The following DIPK1A variants were observed in gnomAD, a reference collection of about 807,000 sequenced individuals.
DIPK1A encodes family with sequence similarity 69 member A.
DIPK1A carries 27 observed loss-of-function variants against 40.8 expected under a neutral mutation model. The observed-to-expected ratio is 0.66, with a 90% CI of 0.49 to 0.91. The LOEUF (loss-of-function observed/expected upper bound fraction) is 0.91. Ranked by LOEUF, DIPK1A falls within the 40% of genes least tolerant of loss-of-function variation. DIPK1A has a pLI of 0.00. For synonymous variants in DIPK1A, 166 were observed against 171.3 expected, an observed-to-expected ratio of 0.97 and a Z score of 0.24; for missense variants, 412 against 505.7, an observed-to-expected ratio of 0.81 and a Z score of 1.78.
intron 1 of DIPK1A, among the ~76,000 whole-genome samples, chr1:92,959,909 T>TTTTTTTTTTG: frequency 9.7e-6 from 1 of 103,350 alleles, no homozygotes; most frequent in African/African-American, 3.9e-5. Flanking sequence ...CCAACTTTTT[T>TTTTTTTTTTG]TTTTTTTTTT....
intron 1 of DIPK1A, among the ~76,000 whole-genome samples, chr1:92,912,293 T>C (rs1461878904): frequency 6.6e-6 from 1 of 152,124 alleles, no homozygotes; most frequent in Non-Finnish European, 1.5e-5. Context: ...TCCCCAGCAC[T>C]TACTAACACA....
intron 1 of DIPK1A, among the ~76,000 whole-genome samples, chr1:92,895,366 A>T (rs1347632922): frequency 6.6e-6 from 1 of 152,062 alleles, no homozygotes; most frequent in East Asian, 1.9e-4. Context: ...AAATCAACAA[A>T]CGTAATCCAG....
At chr1:92,848,243 C>T (rs1320359839) in intron 3 of DIPK1A, among the ~76,000 whole-genome samples, 2 of 152,082 alleles carry the variant, frequency 1.3e-5, no homozygotes, top group Non-Finnish European at 2.9e-5. Flanking sequence ...AATATTAATC[C>T]AAAGAAAACA....
intron 4 of DIPK1A, chr1:92,836,269 T>A (rs771599532): frequency 8.7e-6 from 14 of 1,613,976 alleles, no homozygotes; most frequent in Non-Finnish European, 1.1e-5. Flanking sequence ...GTGGAAAGCA[T>A]TGATGGTCAG....
chr1:92,909,290 C>A (rs6656130), intron 1 of DIPK1A, among the ~76,000 whole-genome samples: 2,813 of 152,060 alleles, frequency 0.018, 84 homozygotes, highest in African/African-American at 0.064. Context: ...CACAAAATAC[C>A]AACTTATATA....
Position 92,874,620 on chromosome 1 carries a change from G to A in DIPK1A, c.189+1676C>T, listed in dbSNP as rs924750956. Among the ~76,000 whole-genome samples the A allele has an allele frequency of 3.3e-5, 5 of 152,100 alleles. No individual in the cohort carries two copies. The East Asian group carries it at 5.8e-4, about 18-fold the overall frequency. Reference sequence around the variant, plus strand: ...AGAAATAAACATTTCAAATAGTTTCGGTTATTTGTATGTTTTTGAACTTGA... The same window carrying A: ...AGAAATAAACATTTCAAATAGTTTCAGTTATTTGTATGTTTTTGAACTTGA... On this transcript the variant is annotated intron_variant, in intron 2 of 4. Coordinates refer to ENST00000370310, the MANE Select transcript of DIPK1A (RefSeq NM_001006605.5).
At chr1:92,869,801 T>C (rs1647744688) in intron 2 of DIPK1A, among the ~76,000 whole-genome samples, 1 of 152,094 alleles carries the variant, frequency 6.6e-6, no homozygotes, top group Admixed American at 6.6e-5. Context: ...TTCTCTTCAA[T>C]CCACTTAAAA....
At chr1:92,832,772 T>C in exon 5 of DIPK1A, 1 of 501,406 alleles carries the variant, frequency 2.0e-6, no homozygotes, top group Non-Finnish European at 3.5e-6. Context: ...TGGGATGAAA[T>C]GTTGCTTTAG....
intron 1 of DIPK1A, among the ~76,000 whole-genome samples, chr1:92,891,701 A>G (rs1329898566): frequency 6.6e-6 from 1 of 152,162 alleles, no homozygotes; most frequent in African/African-American, 2.4e-5. Context: ...GAGCTGAAGC[A>G]GGGTGAGGCA....
chr1:92,946,552 C>A (rs1221492408), intron 1 of DIPK1A, among the ~76,000 whole-genome samples: 1 of 152,168 alleles, frequency 6.6e-6, no homozygotes, highest in Non-Finnish European at 1.5e-5. Context: ...ATTAAAATTA[C>A]AACTATCAAA....
intron 1 of DIPK1A, among the ~76,000 whole-genome samples, chr1:92,914,901 C>T (rs551432575): frequency 5.6e-5 from 8 of 143,456 alleles, no homozygotes; most frequent in African/African-American, 2.4e-4. Flanking sequence ...GCCTGGCCAA[C>T]CTGGTGAAAC....
At chr1:92,901,140 C>T (rs1378077178) in intron 1 of DIPK1A, among the ~76,000 whole-genome samples, 2 of 151,990 alleles carry the variant, frequency 1.3e-5, no homozygotes, top group Non-Finnish European at 2.9e-5. Flanking sequence ...GTGGTTGTGG[C>T]AGGGTGGCAG....
At position 92,876,434 on chromosome 1, in the gene DIPK1A, T is replaced by C. The variant is rs1648130015; in HGVS notation, c.55-4A>G. The C allele has an allele frequency of 6.2e-7, 1 of 1,610,852 alleles. No homozygotes were observed. The highest frequency in any genetic ancestry group is 8.5e-7 in the Non-Finnish European group (1 of 1,179,032). On this transcript the variant is annotated splice_polypyrimidine_tract_variant and splice_region_variant and intron_variant, in intron 1 of 4. Transcript: ENST00000370310. Reference sequence around the variant, plus strand: ...TCCGCACATATGAGAAGCGAGCCTGTGAGTAAAAAAGAACATAACGATCAT... The same window carrying C: ...TCCGCACATATGAGAAGCGAGCCTGCGAGTAAAAAAGAACATAACGATCAT...
chr1:92,921,174 A>G (rs1338649270), intron 1 of DIPK1A, among the ~76,000 whole-genome samples: 1 of 152,096 alleles, frequency 6.6e-6, no homozygotes, highest in African/African-American at 2.4e-5. Flanking sequence ...ATTTTTTTTT[A>G]ATCCCAAGTT....
chr1:92,877,296 C>T (rs940974571), intron 1 of DIPK1A: 22 of 218,298 alleles, frequency 1.0e-4, no homozygotes, highest in African/African-American at 5.2e-4. Context: ...CTGTAGCACC[C>T]ATGGTCTGGT....
Position 92,843,731 on chromosome 1 carries a change from C to T in DIPK1A, c.939G>A (p.Met313Ile). Reference protein sequence around the residue: ...NDKYDLKMVDMRKIVPETNLK... With the variant: ...NDKYDLKMVDIRKIVPETNLK... ...GGTTTGTCTCTGGCACAATTTTTCT[C>T]ATATCCACCATTTTCAAATCATACT... Residue 313 changes from methionine to isoleucine, a missense_variant, in exon 5 of 5, where the codon ATG becomes ATA. Coordinates refer to ENST00000370310, the MANE Select transcript of DIPK1A (RefSeq NM_001006605.5). The T allele has an allele frequency of 6.4e-7, 1 of 1,551,708 alleles. No individual in the cohort carries two copies. Among genetic ancestry groups the T allele is most frequent in the Non-Finnish European group, 8.7e-7 (1 of 1,146,976 alleles).
rs539138083 is a variant in DIPK1A at position 92,888,330 on chromosome 1, C to T, written c.55-11900G>A. On this transcript the variant is annotated intron_variant, in intron 1 of 4. Coordinates refer to ENST00000370310, the MANE Select transcript of DIPK1A (RefSeq NM_001006605.5). ...GGCTTATTTCACTTAATATAATGTC[C>T]CCCAAGCTCATCCATGTGGCTGTGA... Among the ~76,000 whole-genome samples, 5 of 152,148 alleles carry T rather than the reference C, an allele frequency of 3.3e-5. No individual in the cohort carries two copies. The East Asian group carries it at 9.6e-4, about 29-fold the overall frequency.
chr1:92,884,880 T>G (rs1287791240), intron 1 of DIPK1A, among the ~76,000 whole-genome samples: 1 of 152,202 alleles, frequency 6.6e-6, no homozygotes, highest in Non-Finnish European at 1.5e-5. Flanking sequence ...CAACACAGCT[T>G]AGACTCTTGG....
At chr1:92,837,191 G>C, downstream of DIPK1A, 1 of 615,852 alleles carries the variant, frequency 1.6e-6, no homozygotes, top group Non-Finnish European at 3.0e-6. Context: ...CTGATGTGCT[G>C]GATGACTAAT....
Sources: allele counts gnomAD v4.1 joint callset (sites outside exome capture counted in the v4.1 genomes callset), GRCh38; gene constraint gnomAD v4.1.1; transcripts MANE v1.5; gene names NCBI Gene and HGNC (gene_info 2026-07-23, HGNC 2026-07-21).